Variants in PALM2AKAP2 observed in about 807,000 individuals in gnomAD.
The protein encoded by PALM2AKAP2 is PALM2 and AKAP2 fusion, also known as PALM2-AKAP2 fusion protein.
In PALM2AKAP2, 37 loss-of-function variants were observed where a neutral mutation model predicts 71.5. The observed-to-expected ratio is 0.52, with a 90% CI of 0.40 to 0.68. PALM2AKAP2 has a LOEUF of 0.68. Ranked by LOEUF, PALM2AKAP2 falls within the 30% of genes least tolerant of loss-of-function variation. The pLI is 0.00. For synonymous variants in PALM2AKAP2, 468 were observed against 478.8 expected (o/e 0.98, Z 0.29); for missense variants, 1,224 against 1,191.8 (o/e 1.03, Z -0.40).
chr9:109,659,513 A>G (rs1460137959), intron 1 of PALM2AKAP2, among the ~76,000 whole-genome samples: 1 of 152,080 alleles, frequency 6.6e-6, no homozygotes, highest in African/African-American at 2.4e-5. Context: ...GAATAACACA[A>G]TACGTGGTCC....
At chr9:109,925,857 A>G (rs1397647532) in intron 5 of PALM2AKAP2, among the ~76,000 whole-genome samples, 1 of 152,110 alleles carries the variant, frequency 6.6e-6, no homozygotes, top group Non-Finnish European at 1.5e-5. Context: ...CCTGCTTTAC[A>G]ATGCAGGGAC....
intron 6 of PALM2AKAP2, chr9:109,942,651 TAACA>T: frequency 6.6e-7 from 1 of 1,516,146 alleles, no homozygotes; most frequent in Non-Finnish European, 8.8e-7. Context: ...TTTTTTGTTG[TAACA>T]TGCACTTCCT....
At chr9:109,763,290 C>G (rs7028127) in intron 1 of PALM2AKAP2, among the ~76,000 whole-genome samples, 21,343 of 152,080 alleles carry the variant, frequency 0.14, 1,641 homozygotes, top group Admixed American at 0.19. Context: ...TCATCCTCCC[C>G]GCCTCCTCAA....
chr9:109,852,083 A>T (rs985577182), intron 1 of PALM2AKAP2, among the ~76,000 whole-genome samples: 13 of 152,168 alleles, frequency 8.5e-5, no homozygotes, highest in East Asian at 1.9e-4. Flanking sequence ...TTTAAAAAAA[A>T]AATAATTAAA....
chr9:109,952,204 C>G (rs1474385858), intron 6 of PALM2AKAP2, among the ~76,000 whole-genome samples: 1 of 152,194 alleles, frequency 6.6e-6, no homozygotes, highest in Non-Finnish European at 1.5e-5. Flanking sequence ...ACTTTATTTA[C>G]AAAAACAAAT....
chr9:109,928,767 G>T (rs935158843), intron 5 of PALM2AKAP2, among the ~76,000 whole-genome samples: 1 of 151,866 alleles, frequency 6.6e-6, no homozygotes, highest in African/African-American at 2.4e-5. Context: ...CGCCTCCAGG[G>T]TTCAAGCGAT....
At chr9:110,096,486 T>G (rs1370024160) in intron 1 of PALM2AKAP2, among the ~76,000 whole-genome samples, 1 of 148,562 alleles carries the variant, frequency 6.7e-6, no homozygotes, top group Admixed American at 6.7e-5. Context: ...AGGCTGGTCT[T>G]AAACTCCTAG....
At chr9:109,904,899 TG>T (rs2131865027) in intron 3 of PALM2AKAP2, among the ~76,000 whole-genome samples, 1 of 152,338 alleles carries the variant, frequency 6.6e-6, no homozygotes, top group South Asian at 2.1e-4. Context: ...TGTTTTTCTT[TG>T]GACGTTATGC....
intron 1 of PALM2AKAP2, among the ~76,000 whole-genome samples, chr9:110,102,035 T>C (rs1835012520): frequency 6.6e-6 from 1 of 152,188 alleles, no homozygotes; most frequent in African/African-American, 2.4e-5. Flanking sequence ...GACCACACTC[T>C]TGTCTCATTT....
At chr9:109,773,220 C>T (rs1353850102) in intron 1 of PALM2AKAP2, among the ~76,000 whole-genome samples, 1 of 152,154 alleles carries the variant, frequency 6.6e-6, no homozygotes, top group Non-Finnish European at 1.5e-5. Flanking sequence ...ACTGCAGCCT[C>T]GACCTCCTGG....
At chr9:110,036,465 T>A (rs949700417) in intron 7 of PALM2AKAP2, among the ~76,000 whole-genome samples, 4 of 152,180 alleles carry the variant, frequency 2.6e-5, no homozygotes, top group Non-Finnish European at 4.4e-5. Flanking sequence ...ACCATTGATG[T>A]CACCACTCCA....
chr9:110,165,785 G>A (rs1360161719), intron 3 of PALM2AKAP2, among the ~76,000 whole-genome samples: 1 of 152,144 alleles, frequency 6.6e-6, no homozygotes, highest in East Asian at 1.9e-4. Context: ...TCCTCAACAC[G>A]AAGCACTGTG....
chr9:109,663,978 A>T (rs1366113893), intron 1 of PALM2AKAP2, among the ~76,000 whole-genome samples: 2 of 152,016 alleles, frequency 1.3e-5, no homozygotes, highest in Non-Finnish European at 2.9e-5. Context: ...TGTTGGTTTA[A>T]AGTCTGTTTT....
At position 110,137,392 on chromosome 9, in the gene PALM2AKAP2, C is replaced by T. The variant is rs142499716; in HGVS notation, c.1422C>T (p.Ala474=). 133 of 1,614,196 alleles carry T rather than the reference C, an allele frequency of 8.2e-5. No individual in the cohort carries two copies. In the African/African-American group the frequency reaches 1.6e-3, roughly 20 times the overall value. The change falls in exon 2 of 4, where the codon GCC becomes GCT. Residue 474 remains alanine (A), a synonymous_variant. Coordinates refer to ENST00000374525, the Ensembl canonical transcript of PALM2AKAP2. ...GGGGACCTCCAGAAGACAGTGGTGC[C>T]TCAGCCGCCAAGGGACAGAAATCCC...
intron 1 of PALM2AKAP2, among the ~76,000 whole-genome samples, chr9:109,763,116 G>A (rs983182196): frequency 4.6e-5 from 7 of 152,112 alleles, no homozygotes; most frequent in Non-Finnish European, 1.0e-4. Context: ...TGAGAAGCAG[G>A]TCCCAAAAGC....
At chr9:109,644,516 G>C (rs965894831) in intron 1 of PALM2AKAP2, among the ~76,000 whole-genome samples, 4 of 152,214 alleles carry the variant, frequency 2.6e-5, no homozygotes, top group Non-Finnish European at 5.9e-5. Context: ...CTCTTTGTCT[G>C]ATGAGAGATA....
At chr9:109,857,261 A>G (rs148042336) in intron 1 of PALM2AKAP2, among the ~76,000 whole-genome samples, 2 of 152,352 alleles carry the variant, frequency 1.3e-5, no homozygotes, top group East Asian at 3.9e-4. Context: ...CTGCTGCCTC[A>G]TCTGCAGTAG....
At chr9:109,660,427 G>C (rs1170698658) in intron 1 of PALM2AKAP2, among the ~76,000 whole-genome samples, 2 of 151,896 alleles carry the variant, frequency 1.3e-5, no homozygotes, top group Non-Finnish European at 2.9e-5. Context: ...GTTCCCACCT[G>C]TGAGTGAGAA....
At chr9:110,137,746 C>A (rs763818224) in exon 2 of PALM2AKAP2, 4 of 1,614,004 alleles carry the variant, frequency 2.5e-6, no homozygotes, top group Non-Finnish European at 2.5e-6. Context: ...TCAGTGACAG[C>A]GGGGCATCCA....
Sources: allele counts gnomAD v4.1 joint callset (sites outside exome capture counted in the v4.1 genomes callset), GRCh38; gene constraint gnomAD v4.1.1; transcripts MANE v1.5; gene names NCBI Gene and HGNC (gene_info 2026-07-23, HGNC 2026-07-21).